The following TTPAL variants were observed in gnomAD, a reference collection of about 807,000 sequenced individuals.
The protein encoded by TTPAL is alpha tocopherol transfer protein like.
TTPAL carries 21 observed loss-of-function variants against 28.7 expected under a neutral mutation model. The ratio of observed to expected loss-of-function variants is 0.73; its 90% CI spans 0.52 to 1.06. The LOEUF is 1.06. Ranked by LOEUF, TTPAL falls within the 50% of genes least tolerant of loss-of-function variation. The pLI, the probability that TTPAL is intolerant of heterozygous loss-of-function variation, is 0.00. For missense variants in TTPAL, 345 were observed against 425.5 expected (o/e 0.81, Z 1.67); for synonymous variants, 169 against 171.9 (o/e 0.98, Z 0.13).
chr20:44,480,311 C>A lies in TTPAL; in HGVS notation c.312C>A (p.Ser104Arg), dbSNP rs1410231241. The A allele has an allele frequency of 6.2e-7, 1 of 1,614,214 alleles. No homozygotes were observed. ...TGCAGCTCCTCGTCAACTACCACAG[C>A]TGTAGAAGAAGCTGGCCCGAAGTCT... Reference protein sequence around the residue: ...RALQLLVNYHSCRRSWPEVFN... With the variant: ...RALQLLVNYHRCRRSWPEVFN... The change falls in exon 2 of 5, where the codon AGC becomes AGA. Residue 104 changes from serine to arginine, a missense_variant. Coordinates refer to ENST00000262605, the MANE Select transcript of TTPAL (RefSeq NM_001039199.3). This position sits in a 1 kb window ranked among gnomAD's most constrained non-coding sequence, Gnocchi z 4.1.
At chr20:44,485,969 T>A (rs2064148170) in intron 3 of TTPAL, 1 of 152,204 alleles carries the variant, frequency 6.6e-6, no homozygotes. Context: ...TCTAATAGCC[T>A]GAGAAATATA....
rs2064192495 is a variant in TTPAL, at chr20:44,490,254, T to A, written c.*713T>A. Reference sequence around the variant, plus strand: ...ATAAAGCCTTAGCCCTGGTTCTCAATAGAATCAGGGACCTAGCAGGAAATG... The same window carrying A: ...ATAAAGCCTTAGCCCTGGTTCTCAAAAGAATCAGGGACCTAGCAGGAAATG... On this transcript the variant is annotated 3_prime_UTR_variant, in exon 5 of 5. Transcript: ENST00000262605. 6.6e-6 allele frequency: 1 copy of A among 152,338 alleles called. No individual in the cohort carries two copies. The highest frequency in any genetic ancestry group is 1.5e-5 in the Non-Finnish European group (1 of 68,064). The allele number at this position is 152,338 out of a possible 1,614,324, so 9.4% of individuals were successfully genotyped here. A position where few individuals can be genotyped will look rare whatever the true frequency, so the allele number is the denominator to read the frequency against.
chr20:44,489,745 C>A lies in TTPAL; in HGVS notation c.*204C>A. ...ACTCCATGGAAGACATGGAAAATGT[C>A]CCCACTGATTCTTAAACATTTGGAA... On this transcript the variant is annotated 3_prime_UTR_variant, in exon 5 of 5. Coordinates refer to ENST00000262605, the MANE Select transcript of TTPAL (RefSeq NM_001039199.3). The A allele has an allele frequency of 1.8e-6, 1 of 569,512 alleles. No individual in the cohort carries two copies. The highest frequency in any genetic ancestry group is 3.1e-6 in the Non-Finnish European group (1 of 325,824). 35.3% of individuals were successfully genotyped at this position (569,512 alleles called of 1,614,324 possible).
Position 44,489,488 on chromosome 20 carries a change from C to T in TTPAL, c.976C>T (p.Gln326Ter). Residue 326 changes from glutamine (Q) to a stop codon, truncating the protein, a stop_gained, in exon 5 of 5, where the codon CAG becomes TAG. Coordinates refer to ENST00000262605, the MANE Select transcript of TTPAL (RefSeq NM_001039199.3). LOFTEE classifies it high-confidence loss of function. Reference sequence around the variant, plus strand: ...GCCCGAGGGCCTGACCTCAGATGCACAGTGTGACGACTCCTTGCGAGCTGT... The same window carrying T: ...GCCCGAGGGCCTGACCTCAGATGCATAGTGTGACGACTCCTTGCGAGCTGT... ...LLPEGLTSDA[Q>*]CDDSLRAVKS... The T allele has an allele frequency of 1.2e-6, 2 of 1,614,236 alleles. No individual in the cohort carries two copies. Among genetic ancestry groups the T allele is most frequent in the Non-Finnish European group, 1.7e-6 (2 of 1,180,042 alleles).
rs201126060 is a variant in TTPAL at position 44,480,724 on chromosome 20, A to C, written c.445+280A>C. 6.6e-6 allele frequency among the ~76,000 whole-genome samples: 1 copy of C among 152,164 alleles called. No individual in the cohort carries two copies. The highest frequency in any genetic ancestry group is 1.5e-5 in the Non-Finnish European group (1 of 68,028). On this transcript the variant is annotated intron_variant, in intron 2 of 4. Transcript: ENST00000262605. This position sits in a 1 kb window ranked among gnomAD's most constrained non-coding sequence, Gnocchi z 4.1. ...AACCAGAATGCCACCAGGAGCCAAG[A>C]CAGCCGTTCTCCCTGTCTCTGCCTG...
rs1568779409 is a variant in TTPAL at position 44,493,557 on chromosome 20, T to A, written c.*4016T>A. 1 of 152,380 alleles carries A rather than the reference T, an allele frequency of 6.6e-6. No individual in the cohort carries two copies. The highest frequency in any genetic ancestry group is 1.5e-5 in the Non-Finnish European group (1 of 68,044). The allele number at this position is 152,380 out of a possible 1,614,324, so 9.4% of individuals were successfully genotyped here. ...TTAATTAAGGTTTTCCTTTGAAGCCTCCTTTAATTTAGGGAGTAAAATGTT... is the reference window on the plus strand; with the variant it reads ...TTAATTAAGGTTTTCCTTTGAAGCCACCTTTAATTTAGGGAGTAAAATGTT... On this transcript the variant is annotated 3_prime_UTR_variant, in exon 5 of 5. Coordinates refer to ENST00000262605, the MANE Select transcript of TTPAL (RefSeq NM_001039199.3).
intron 1 of TTPAL, among the ~76,000 whole-genome samples, chr20:44,477,675 GA>G (rs2064058026): frequency 6.8e-6 from 1 of 146,774 alleles, no homozygotes; most frequent in African/African-American, 2.6e-5. Flanking sequence ...ATTTATCTGA[GA>G]TAGCGTCTCG....
intron 3 of TTPAL, among the ~76,000 whole-genome samples, chr20:44,485,538 T>G (rs2064143878): frequency 6.6e-6 from 1 of 152,184 alleles, no homozygotes; most frequent in African/African-American, 2.4e-5. Context: ...GGTGGTATAG[T>G]AGCTCTTCTC....
rs991743018 is a variant in TTPAL, at chr20:44,491,273, C to G, written c.*1732C>G. The G allele has an allele frequency of 6.6e-6, 1 of 151,912 alleles. No homozygotes were observed. Among genetic ancestry groups the G allele is most frequent in the African/African-American group, 2.4e-5 (1 of 41,292 alleles). 9.4% of individuals were successfully genotyped at this position (151,912 alleles called of 1,614,324 possible). On this transcript the variant is annotated 3_prime_UTR_variant, in exon 5 of 5. Transcript: ENST00000262605. ...TAGAACCTCCCTGTGAAGATTTTAGCCTTAGCCCAAACATCAAATTAGACG... is the reference window on the plus strand; with the variant it reads ...TAGAACCTCCCTGTGAAGATTTTAGGCTTAGCCCAAACATCAAATTAGACG...
intron 2 of TTPAL, among the ~76,000 whole-genome samples, chr20:44,481,826 A>T (rs562162240): frequency 2.6e-4 from 39 of 152,288 alleles, no homozygotes; most frequent in African/African-American, 8.9e-4. Flanking sequence ...TGCCAAAATT[A>T]GTGGTGTTTA....
In TTPAL at chr20:44,480,573, C is replaced by A; in HGVS notation, c.445+129C>A. 1 of 951,278 alleles carries A rather than the reference C, an allele frequency of 1.1e-6. No homozygotes were observed. The highest frequency in any genetic ancestry group is 1.5e-6 in the Non-Finnish European group (1 of 648,164). The allele number at this position is 951,278 out of a possible 1,614,324, so 58.9% of individuals were successfully genotyped here. A position where few individuals can be genotyped will look rare whatever the true frequency, so the allele number is the denominator to read the frequency against. On this transcript the variant is annotated intron_variant, in intron 2 of 4. Transcript: ENST00000262605. This position sits in a 1 kb window ranked among gnomAD's most constrained non-coding sequence, Gnocchi z 4.1. ...GTTATAGTCAAGGCTCTTTTGATTG[C>A]AGATAACACAAACCTACTCAAACCA...
intron 3 of TTPAL, among the ~76,000 whole-genome samples, chr20:44,485,092 G>A (rs372157696): frequency 6.6e-6 from 1 of 152,172 alleles, no homozygotes; most frequent in East Asian, 1.9e-4. Context: ...CAGCCTGGGT[G>A]AGAACAGCAA....
chr20:44,484,646 G>C, intron 3 of TTPAL, 116 bp downstream of exon 3: 1 of 716,464 alleles, frequency 1.4e-6, no homozygotes, highest in South Asian at 3.1e-5. Context: ...CCTGCAATCT[G>C]AAAAACACAA....
Position 44,489,274 on chromosome 20 carries a change from T to C in TTPAL, c.762T>C (p.His254=), listed in dbSNP as rs768012096. 1.2e-5 allele frequency: 19 copies of C among 1,612,846 alleles called. No homozygotes were observed. Among genetic ancestry groups the C allele is most frequent in the South Asian group, 1.1e-5 (1 of 91,064 alleles). Residue 254 remains histidine, a synonymous_variant, in exon 5 of 5, where the codon CAT becomes CAC. Transcript: ENST00000262605. The part of the protein sequence containing the change: ...KEKIANRFFL[H]GSDLNSLHTN... ...TCATTCCCTTTTAGTTCTTCCTCCA[T>C]GGGTCTGACTTGAACTCTCTCCACA...
At chr20:44,481,414 C>T (rs1217083477) in intron 2 of TTPAL, among the ~76,000 whole-genome samples, 1 of 152,080 alleles carries the variant, frequency 6.6e-6, no homozygotes. Context: ...CTTTGGGGAG[C>T]ATTTCAACAC....
At chr20:44,486,820 G>A in intron 4 of TTPAL, 114 bp downstream of exon 4, 1 of 625,256 alleles carries the variant, frequency 1.6e-6, no homozygotes, top group Non-Finnish European at 2.8e-6. Flanking sequence ...GAAAAGTACA[G>A]AGTTACAGAT....
At chr20:44,484,301 C>T in intron 2 of TTPAL, 36 bp from the exon 3 acceptor site, 1 of 1,372,098 alleles carries the variant, frequency 7.3e-7, no homozygotes, top group Non-Finnish European at 9.7e-7. Flanking sequence ...TTTATATTAA[C>T]TTCTGTAACA....
intron 3 of TTPAL, 144 bp downstream of exon 3, chr20:44,484,674 A>G: frequency 1.7e-6 from 1 of 578,804 alleles, no homozygotes. Context: ...ATGGGAAGAA[A>G]TTTAAAAGTC....
At chr20:44,479,710 G>A (rs1002777669) in intron 1 of TTPAL, among the ~76,000 whole-genome samples, 7 of 152,076 alleles carry the variant, frequency 4.6e-5, no homozygotes, top group South Asian at 4.1e-4. Context: ...GAATAAGGTC[G>A]AGCACCTATT....
Sources: gnomAD v4.1 joint callset for allele counts (sites outside exome capture counted in the v4.1 genomes callset) on GRCh38, gnomAD v4.1.1 for gene constraint, Gnocchi (gnomAD v3.1) non-coding constraint, MANE v1.5 for transcripts, NCBI Gene and HGNC (gene_info 2026-07-23, HGNC 2026-07-21) for gene names.